ACVR1C: variants seen among roughly 807,000 people sequenced by gnomAD.
ACVR1C encodes the protein activin A receptor type 1C.
ACVR1C carries 23 observed loss-of-function variants against 57.9 expected under a neutral mutation model. The observed-to-expected ratio is 0.40, with a 90% CI of 0.29 to 0.56. ACVR1C has a LOEUF of 0.56. ACVR1C is among the 20% of genes least tolerant of loss of function. ACVR1C has a pLI of 0.50. For missense variants in ACVR1C, 480 were observed against 607.9 expected (o/e 0.79, Z 2.21); for synonymous variants, 214 against 215.3 (o/e 0.99, Z 0.05).
chr2:157,535,085 C>G (rs1050692970), intron 8 of ACVR1C, among the ~76,000 whole-genome samples: 1 of 140,332 alleles, frequency 7.1e-6, no homozygotes, highest in Non-Finnish European at 1.5e-5. Context: ...TTCAAGGCTG[C>G]AGTGTGCCAT....
At chr2:157,573,314 C>T (rs1050838011) in intron 2 of ACVR1C, among the ~76,000 whole-genome samples, 1 of 152,080 alleles carries the variant, frequency 6.6e-6, no homozygotes, top group Non-Finnish European at 1.5e-5. Flanking sequence ...CAGAACAGAA[C>T]AGGAAGGCAG....
At chr2:157,539,409 A>G (rs1326443018) in intron 7 of ACVR1C, among the ~76,000 whole-genome samples, 20 of 152,208 alleles carry the variant, frequency 1.3e-4, no homozygotes, top group Admixed American at 1.3e-3. Flanking sequence ...GAAATCCCTT[A>G]TAAAATCTTT....
In ACVR1C at chr2:157,528,454, T is replaced by C. The variant is rs975871344; in HGVS notation, c.*5464A>G. ...GAAAATATTAAAATCTAGGATGAAA[T>C]ACAGCTCATATTCTCTCGAATGTAT... On this transcript the variant is annotated 3_prime_UTR_variant, in exon 9 of 9. Coordinates refer to ENST00000243349, the MANE Select transcript of ACVR1C (RefSeq NM_145259.3). 1 of 152,168 alleles carries C rather than the reference T, an allele frequency of 6.6e-6. No individual in the cohort carries two copies. Among genetic ancestry groups the C allele is most frequent in the Non-Finnish European group, 1.5e-5 (1 of 68,016 alleles). The allele number at this position is 152,168 out of a possible 1,614,324, so 9.4% of individuals were successfully genotyped here.
intron 1 of ACVR1C, among the ~76,000 whole-genome samples, chr2:157,616,346 G>A (rs1682649939): frequency 6.6e-6 from 1 of 152,010 alleles, no homozygotes; most frequent in African/African-American, 2.4e-5. Flanking sequence ...CAGGTCAATT[G>A]ATGAGCACAC....
At chr2:157,552,386 G>A (rs1573913401) in intron 3 of ACVR1C, among the ~76,000 whole-genome samples, 1 of 152,182 alleles carries the variant, frequency 6.6e-6, no homozygotes, top group East Asian at 1.9e-4. Context: ...ACCTGCCTCG[G>A]CCTCCCAAAG....
Position 157,556,174 on chromosome 2 carries a change from G to C in ACVR1C, c.463C>G (p.Leu155Val). The C allele has an allele frequency of 1.9e-6, 3 of 1,614,080 alleles. No homozygotes were observed. The highest frequency in any genetic ancestry group is 1.7e-6 in the Non-Finnish European group (2 of 1,179,976). ...GCATTTACCAGATTGCACTCAGAGA[G>C]TGGTTCCTCCACATTTGGTCTCTTT... The part of the protein sequence containing the change: ...KKKRPNVEEP[L>V]SECNLVNAGK... The change falls in exon 3 of 9, where the codon CTC (leucine) becomes GTC (valine). Residue 155 changes from leucine (L) to valine (V), a missense_variant. Transcript: ENST00000243349.
At chr2:157,624,988 C>T (rs1046348628) in intron 1 of ACVR1C, among the ~76,000 whole-genome samples, 1 of 152,216 alleles carries the variant, frequency 6.6e-6, no homozygotes, top group Non-Finnish European at 1.5e-5. Context: ...AAGGTATTCT[C>T]TGCCTTATTT....
At chr2:157,585,044 C>T (rs1349619926) in intron 2 of ACVR1C, among the ~76,000 whole-genome samples, 1 of 152,058 alleles carries the variant, frequency 6.6e-6, no homozygotes, top group African/African-American at 2.4e-5. Context: ...AAATAAATCC[C>T]ATCTACAATG....
chr2:157,534,306 A>G (rs936354002), intron 8 of ACVR1C, among the ~76,000 whole-genome samples: 5 of 152,156 alleles, frequency 3.3e-5, no homozygotes, highest in Admixed American at 1.3e-4. Context: ...GCACCGCTGT[A>G]CCTGCCATTG....
At chr2:157,549,218 G>T (rs1241835774) in intron 4 of ACVR1C, among the ~76,000 whole-genome samples, 1 of 152,058 alleles carries the variant, frequency 6.6e-6, no homozygotes, top group African/African-American at 2.4e-5. Context: ...AGCCAGGCAT[G>T]GTGGCAGGCA....
At chr2:157,535,521 T>A (rs1465624354) in intron 8 of ACVR1C, among the ~76,000 whole-genome samples, 1 of 152,102 alleles carries the variant, frequency 6.6e-6, no homozygotes, top group Non-Finnish European at 1.5e-5. Flanking sequence ...CAATAAAATA[T>A]CTTGATATCA....
intron 4 of ACVR1C, among the ~76,000 whole-genome samples, chr2:157,545,417 A>T (rs1687727899): frequency 1.3e-5 from 2 of 152,188 alleles, no homozygotes; most frequent in Non-Finnish European, 2.9e-5. Flanking sequence ...TTTAATTTCC[A>T]AATCTGGGTA....
chr2:157,612,493 C>G (rs1301684499), intron 1 of ACVR1C, among the ~76,000 whole-genome samples: 1 of 152,202 alleles, frequency 6.6e-6, no homozygotes, highest in Non-Finnish European at 1.5e-5. Flanking sequence ...CATCAGCACT[C>G]AGGCTCACCC....
Position 157,611,254 on chromosome 2 carries a change from G to C in ACVR1C, c.73+17318C>G, listed in dbSNP as rs140675838. 6.0e-3 allele frequency among the ~76,000 whole-genome samples: 916 copies of C among 152,258 alleles called. 11 individuals are homozygous for C. Among genetic ancestry groups the C allele is most frequent in the African/African-American group, 0.02 (842 of 41,550 alleles). On this transcript the variant is annotated intron_variant, in intron 1 of 8. Coordinates refer to ENST00000243349, the MANE Select transcript of ACVR1C (RefSeq NM_145259.3). ...CCTTCCTCTTTGACTTTGGGTGCAC[G>C]CAGTACTGTAGTCTCTGTATGACTT...
intron 2 of ACVR1C, among the ~76,000 whole-genome samples, chr2:157,565,940 T>C (rs1688360373): frequency 2.0e-5 from 3 of 152,160 alleles, no homozygotes; most frequent in Admixed American, 1.3e-4. Context: ...GATTAAGGAA[T>C]ATAATCGCTG....
chr2:157,544,587 C>G lies in ACVR1C; in HGVS notation c.801G>C (p.Trp267Cys). The G allele has an allele frequency of 6.2e-7, 1 of 1,611,308 alleles. No individual in the cohort carries two copies. The highest frequency in any genetic ancestry group is 1.1e-5 in the South Asian group (1 of 90,406). Residue 267 changes from tryptophan to cysteine, a missense_variant, in exon 5 of 9, where the codon TGG (tryptophan) becomes TGC (cysteine). Physicochemically the swap from Trp to Cys is radical, Grantham distance 215 (BLOSUM62 -2). Coordinates refer to ENST00000243349, the MANE Select transcript of ACVR1C (RefSeq NM_145259.3). ...CCTGTTCATGATATTCAGATACCAG[C>G]CAAAGTTGAGTCCAAGTTCCATTAT... is the stretch of plus-strand genomic sequence containing the variant. ...NKDNGTWTQL[W>C]LVSEYHEQGS...
chr2:157,601,929 C>A (rs1573948704), intron 1 of ACVR1C, among the ~76,000 whole-genome samples: 1 of 152,114 alleles, frequency 6.6e-6, no homozygotes, highest in African/African-American at 2.4e-5. Context: ...AAAAAGAACA[C>A]CCGAAAATTA....
At chr2:157,550,121 C>A in intron 4 of ACVR1C, 41 bp downstream of exon 4, 1 of 1,577,756 alleles carries the variant, frequency 6.3e-7, no homozygotes, top group South Asian at 1.1e-5. Context: ...TCGCTCTAGA[C>A]AGCATTTTTT....
intron 1 of ACVR1C, among the ~76,000 whole-genome samples, chr2:157,620,071 G>T (rs1268130013): frequency 6.6e-6 from 1 of 151,990 alleles, no homozygotes; most frequent in East Asian, 1.9e-4. Context: ...GGGTCCAGTT[G>T]TTTTAACGAA....
Sources: allele counts gnomAD v4.1 joint callset (sites outside exome capture counted in the v4.1 genomes callset), GRCh38; gene constraint gnomAD v4.1.1; transcripts MANE v1.5; gene names NCBI Gene and HGNC (gene_info 2026-07-23, HGNC 2026-07-21).